The following CNTN5 variants were observed in gnomAD, a reference collection of about 807,000 sequenced individuals.
CNTN5 encodes contactin-5.
A neutral mutation model predicts 129.1 loss-of-function variants in CNTN5; 77 were observed. That is an observed-to-expected ratio of 0.60 (90% CI 0.50 to 0.72). The LOEUF (loss-of-function observed/expected upper bound fraction) is 0.72, where lower values mean the gene tolerates loss of function less well. Among genes scored for constraint, CNTN5 ranks in the 30% least tolerant of loss-of-function variants. CNTN5 has a pLI of 0.00. For synonymous variants in CNTN5, 509 were observed against 465.6 expected, an observed-to-expected ratio of 1.09 and a Z score of -1.20; for missense variants, 1,478 against 1,328.8, an observed-to-expected ratio of 1.11 and a Z score of -1.75.
chr11:99,856,953 C>T (rs1948054481), intron 6 of CNTN5, among the ~76,000 whole-genome samples: 1 of 151,884 alleles, frequency 6.6e-6, no homozygotes, highest in African/African-American at 2.4e-5. Context: ...TTCAATAACC[C>T]ACGTCTCTCT....
chr11:99,184,298 C>T (rs74981292), intron 1 of CNTN5, among the ~76,000 whole-genome samples: 2,603 of 152,162 alleles, frequency 0.017, 40 homozygotes, highest in African/African-American at 0.037. Flanking sequence ...TACTTAACTA[C>T]TGACAGTACT....
intron 18 of CNTN5, among the ~76,000 whole-genome samples, chr11:100,279,711 C>T (rs1229047837): frequency 2.0e-5 from 3 of 151,236 alleles, no homozygotes; most frequent in African/African-American, 7.3e-5. Context: ...TTTTCTTAGT[C>T]TGGCTAAAGA....
chr11:99,438,073 CATTTA>C (rs1034686019), intron 2 of CNTN5, among the ~76,000 whole-genome samples: 6 of 152,040 alleles, frequency 3.9e-5, no homozygotes, highest in African/African-American at 1.4e-4. Context: ...TTTAGTGCAA[CATTTA>C]ACACATGAGT....
chr11:99,407,975 TTCTACC>T (rs1039577879), intron 2 of CNTN5, among the ~76,000 whole-genome samples: 27 of 152,174 alleles, frequency 1.8e-4, no homozygotes, highest in African/African-American at 6.0e-4. Flanking sequence ...GAACTGTTTT[TTCTACC>T]TGTTCAGTGC....
intron 16 of CNTN5, among the ~76,000 whole-genome samples, chr11:100,237,076 C>G (rs554859239): frequency 2.0e-5 from 3 of 150,918 alleles, no homozygotes; most frequent in South Asian, 4.2e-4. Flanking sequence ...CTAGTCCCAG[C>G]TACTGGGGAG....
chr11:99,516,834 A>G (rs1356802169), intron 2 of CNTN5, among the ~76,000 whole-genome samples: 2 of 152,158 alleles, frequency 1.3e-5, no homozygotes, highest in African/African-American at 4.8e-5. Context: ...TTTGGAATGC[A>G]CATAAAAATT....
chr11:99,911,905 A>T lies in CNTN5; in HGVS notation c.578-4149A>T, dbSNP rs543993589. Among the ~76,000 whole-genome samples the T allele has an allele frequency of 4.6e-5, 7 of 152,060 alleles. No individual in the cohort carries two copies. In the South Asian group the frequency reaches 1.4e-3, roughly 31 times the overall value. On this transcript the variant is annotated intron_variant, in intron 6 of 24. Transcript: ENST00000524871. ...TTGGCTCCTCTTAAGTTTAGAGTCA[A>T]ATTTGTAGCCAACTTCCAATAATTT...
intron 8 of CNTN5, among the ~76,000 whole-genome samples, chr11:99,977,110 A>T (rs1848770119): frequency 6.6e-6 from 1 of 152,204 alleles, no homozygotes; most frequent in Non-Finnish European, 1.5e-5. Flanking sequence ...AGTTCCACAG[A>T]TATCTAGGTC....
intron 2 of CNTN5, among the ~76,000 whole-genome samples, chr11:99,535,161 A>G (rs1342633826): frequency 2.6e-5 from 4 of 152,208 alleles, no homozygotes; most frequent in African/African-American, 9.6e-5. Flanking sequence ...CCACTCTGTA[A>G]GTGTAAAAAA....
At chr11:99,685,271 G>A (rs1334268195) in intron 3 of CNTN5, among the ~76,000 whole-genome samples, 1 of 151,480 alleles carries the variant, frequency 6.6e-6, no homozygotes, top group East Asian at 1.9e-4. Context: ...TTAATCTATT[G>A]TTATCGAGAA....
chr11:99,421,066 T>G (rs144888303), intron 2 of CNTN5, among the ~76,000 whole-genome samples: 1 of 152,052 alleles, frequency 6.6e-6, no homozygotes, highest in Non-Finnish European at 1.5e-5. Context: ...AGAAAGAGCA[T>G]GCAAAGCTGA....
chr11:100,186,604 T>C (rs970987545), intron 13 of CNTN5, among the ~76,000 whole-genome samples: 2 of 151,992 alleles, frequency 1.3e-5, no homozygotes, highest in Non-Finnish European at 2.9e-5. Flanking sequence ...TATGGAGAAG[T>C]CTAGAGACCA....
chr11:99,326,519 C>A (rs1218756350), intron 2 of CNTN5, among the ~76,000 whole-genome samples: 1 of 152,122 alleles, frequency 6.6e-6, no homozygotes, highest in East Asian at 1.9e-4. Flanking sequence ...GAGAGCAGTT[C>A]TTTTGGAAGA....
At chr11:100,223,320 A>G (rs1340254925) in intron 15 of CNTN5, among the ~76,000 whole-genome samples, 1 of 152,190 alleles carries the variant, frequency 6.6e-6, no homozygotes, top group Non-Finnish European at 1.5e-5. Flanking sequence ...AAAAAGCAAA[A>G]CACAACAGAA....
intron 1 of CNTN5, among the ~76,000 whole-genome samples, chr11:99,025,591 G>A (rs1055916163): frequency 6.6e-6 from 1 of 151,636 alleles, no homozygotes; most frequent in Non-Finnish European, 1.5e-5. Flanking sequence ...TCTTCCTTTT[G>A]TGAGTTATAA....
chr11:99,978,578 T>C (rs1237381969), intron 8 of CNTN5, among the ~76,000 whole-genome samples: 1 of 152,214 alleles, frequency 6.6e-6, no homozygotes, highest in African/African-American at 2.4e-5. Flanking sequence ...CTTACCATTG[T>C]ATTACAATTG....
At chr11:99,233,772 C>A (rs1861127864) in intron 1 of CNTN5, among the ~76,000 whole-genome samples, 1 of 151,934 alleles carries the variant, frequency 6.6e-6, no homozygotes, top group Non-Finnish European at 1.5e-5. Context: ...CCGGTGAAAC[C>A]CATCTCTACT....
At chr11:99,278,557 G>A (rs1863553675) in intron 1 of CNTN5, among the ~76,000 whole-genome samples, 1 of 151,680 alleles carries the variant, frequency 6.6e-6, no homozygotes, top group Admixed American at 6.6e-5. Flanking sequence ...TTATGAGGAT[G>A]ATGATAAGGA....
chr11:99,373,340 G>A (rs1939946167), intron 2 of CNTN5, among the ~76,000 whole-genome samples: 1 of 152,122 alleles, frequency 6.6e-6, no homozygotes, highest in Non-Finnish European at 1.5e-5. Context: ...AATAAGAGTA[G>A]GTGGCCCAAA....
Sources: allele counts gnomAD v4.1 joint callset (sites outside exome capture counted in the v4.1 genomes callset), GRCh38; gene constraint gnomAD v4.1.1; transcripts MANE v1.5; gene names NCBI Gene and HGNC (gene_info 2026-07-23, HGNC 2026-07-21).